Variants in LMCD1 observed in about 807,000 individuals in gnomAD.
LMCD1 encodes LIM and cysteine-rich domains protein 1.
A neutral mutation model predicts 42.7 loss-of-function variants in LMCD1; 32 were observed. The ratio of observed to expected loss-of-function variants is 0.75; its 90% confidence interval spans 0.57 to 1.01. LMCD1 has a LOEUF of 1.01. Among genes scored for constraint, LMCD1 ranks in the 50% least tolerant of loss-of-function variants. The pLI is 0.00. For synonymous variants in LMCD1, 178 were observed against 184.9 expected, an observed-to-expected ratio of 0.96 and a Z score of 0.30; for missense variants, 458 against 483.1, an observed-to-expected ratio of 0.95 and a Z score of 0.49.
At chr3:8,508,783 A>C (rs1286065913) in intron 1 of LMCD1, among the ~76,000 whole-genome samples, 3 of 152,242 alleles carry the variant, frequency 2.0e-5, no homozygotes, top group African/African-American at 7.2e-5. Context: ...ATGAAGGAGA[A>C]AAGAGTGTCT....
chr3:8,564,085 A>C (rs1043014589), intron 4 of LMCD1, among the ~76,000 whole-genome samples: 9 of 152,216 alleles, frequency 5.9e-5, no homozygotes, highest in African/African-American at 1.9e-4. Context: ...AAAGTTTATG[A>C]ACACGTGAAT....
At chr3:8,531,286 C>G (rs1282137582) in intron 1 of LMCD1, among the ~76,000 whole-genome samples, 2 of 152,212 alleles carry the variant, frequency 1.3e-5, no homozygotes, top group Non-Finnish European at 2.9e-5. Context: ...CTTCCTTCTG[C>G]TAGGCATCTC....
chr3:8,528,193 G>A (rs773128994), intron 1 of LMCD1, among the ~76,000 whole-genome samples: 1 of 152,128 alleles, frequency 6.6e-6, no homozygotes, highest in East Asian at 1.9e-4. Flanking sequence ...TCTGCCTTAT[G>A]TCTGAGTTTT....
chr3:8,551,006 A>G lies in LMCD1; in HGVS notation c.723+2103A>G, dbSNP rs972640696. ...GGAAATGATTGTGAACTTGGGAAGC[A>G]TTTAAATAGCAATACTAGACAGTAA... On this transcript the variant is annotated intron_variant, in intron 4 of 5. Coordinates refer to ENST00000157600, the MANE Select transcript of LMCD1 (RefSeq NM_014583.4). 4 of 985,322 alleles carry G rather than the reference A, an allele frequency of 4.1e-6. No individual in the cohort carries two copies. The African/African-American group carries it at 7.0e-5, about 17-fold the overall frequency. The allele number at this position is 985,322 out of a possible 1,614,324, so 61.0% of individuals were successfully genotyped here.
rs755726153 is a variant in LMCD1, at chr3:8,532,768, G to T, written c.74G>T (p.Gly25Val). The T allele has an allele frequency of 1.9e-6, 3 of 1,613,744 alleles. No individual in the cohort carries two copies. The highest frequency in any genetic ancestry group is 2.7e-5 in the African/African-American group (2 of 74,996). The change falls in exon 2 of 6, where the codon GGT (glycine) becomes GTT (valine). Residue 25 changes from glycine to valine, a missense_variant. Transcript: ENST00000157600. ...CTGGGCCAGCTGCAGTCAGCAAGAG[G>T]TGTGGCATGTTTGGGATGCAAGGGG... is the stretch of plus-strand genomic sequence containing the variant. ...MSLGQLQSARGVACLGCKGTC... is the reference protein window; with the variant it reads ...MSLGQLQSARVVACLGCKGTC...
chr3:8,517,902 G>A (rs1694128282), intron 1 of LMCD1, among the ~76,000 whole-genome samples: 3 of 152,096 alleles, frequency 2.0e-5, no homozygotes, highest in African/African-American at 7.2e-5. Flanking sequence ...GGTATATGGA[G>A]AACAAAATTC....
At chr3:8,537,123 A>G in intron 2 of LMCD1, 62 bp from the exon 3 acceptor site, 1 of 1,563,396 alleles carries the variant, frequency 6.4e-7, no homozygotes, top group South Asian at 1.2e-5. Flanking sequence ...TGCTGCTAGC[A>G]GGAGAATGTG....
At chr3:8,565,785 C>A in intron 5 of LMCD1, 138 bp downstream of exon 5, 1 of 782,424 alleles carries the variant, frequency 1.3e-6, no homozygotes, top group Non-Finnish European at 2.0e-6. Flanking sequence ...TCACTGCATG[C>A]TCTCAACCTT....
chr3:8,550,353 C>T, intron 4 of LMCD1: 7 of 992,150 alleles, frequency 7.1e-6, no homozygotes, highest in Non-Finnish European at 8.4e-6. Context: ...ACGAGATCCC[C>T]AAGCACATTA....
chr3:8,551,316 G>A, intron 4 of LMCD1: 1 of 985,392 alleles, frequency 1.0e-6, no homozygotes, highest in Non-Finnish European at 1.2e-6. Context: ...GATCTATTTG[G>A]ATGGCCAATT....
intron 2 of LMCD1, among the ~76,000 whole-genome samples, chr3:8,533,584 G>C (rs149741203): frequency 1.6e-4 from 25 of 152,288 alleles, no homozygotes; most frequent in African/African-American, 5.5e-4. Flanking sequence ...TCAGTGGGGG[G>C]ACAAAGTTTG....
intron 1 of LMCD1, among the ~76,000 whole-genome samples, chr3:8,526,756 G>C (rs750476721): frequency 6.6e-6 from 1 of 152,206 alleles, no homozygotes; most frequent in African/African-American, 2.4e-5. Flanking sequence ...TAGAGTTGTT[G>C]TAAGATTTGT....
intron 4 of LMCD1, among the ~76,000 whole-genome samples, chr3:8,557,984 G>A (rs1044544028): frequency 5.3e-5 from 8 of 152,136 alleles, no homozygotes; most frequent in South Asian, 2.1e-4. Context: ...GTCTCTCCAC[G>A]TGGTTGCCCT....
At chr3:8,532,500 A>G (rs1267918981) in intron 1 of LMCD1, among the ~76,000 whole-genome samples, 1 of 152,052 alleles carries the variant, frequency 6.6e-6, no homozygotes, top group Non-Finnish European at 1.5e-5. Context: ...AAGAACCCCC[A>G]TTGCATTCTT....
intron 1 of LMCD1, among the ~76,000 whole-genome samples, chr3:8,513,995 A>T (rs1406055675): frequency 6.6e-6 from 1 of 152,166 alleles, no homozygotes; most frequent in East Asian, 1.9e-4. Flanking sequence ...AGTCTCCCTG[A>T]AGGTGGGAAG....
intron 3 of LMCD1, among the ~76,000 whole-genome samples, chr3:8,543,382 AGATAGATAGATAGAT>A (rs1350532400): frequency 0.06 from 5,528 of 91,612 alleles, 119 homozygotes; most frequent in Non-Finnish European, 0.082. Flanking sequence ...AACTGCTGAT[AGATAGATAGATAGAT>A]GATAGATAGA....
At chr3:8,504,479 C>T (rs2125007706) in intron 1 of LMCD1, among the ~76,000 whole-genome samples, 1 of 152,298 alleles carries the variant, frequency 6.6e-6, no homozygotes, top group African/African-American at 2.4e-5. Flanking sequence ...GCTTCCCTAC[C>T]CCCGAGGGGG....
At chr3:8,523,564 T>C (rs1470444660) in intron 1 of LMCD1, among the ~76,000 whole-genome samples, 2 of 152,258 alleles carry the variant, frequency 1.3e-5, no homozygotes, top group African/African-American at 2.4e-5. Flanking sequence ...GAAGACAGGA[T>C]TCTCTTGGCC....
At chr3:8,539,063 C>CTG (rs1444463444) in intron 3 of LMCD1, among the ~76,000 whole-genome samples, 2 of 152,222 alleles carry the variant, frequency 1.3e-5, no homozygotes, top group Admixed American at 1.3e-4. Context: ...CAGAATTCCA[C>CTG]TGTGGTAAGA....
Sources: gnomAD v4.1 joint callset for allele counts (sites outside exome capture counted in the v4.1 genomes callset) on GRCh38, gnomAD v4.1.1 for gene constraint, MANE v1.5 for transcripts, NCBI Gene and HGNC (gene_info 2026-07-23, HGNC 2026-07-21) for gene names.